SMYD3: variants seen among roughly 807,000 people sequenced by gnomAD.
The protein encoded by SMYD3 is histone-lysine N-methyltransferase SMYD3.
A neutral mutation model predicts 57.7 loss-of-function variants in SMYD3; 36 were observed. That is an observed-to-expected ratio of 0.62 (90% confidence interval 0.48 to 0.82). SMYD3 has a LOEUF of 0.82. Among genes scored for constraint, SMYD3 ranks in the 40% least tolerant of loss-of-function variants. The pLI is 0.00. For missense variants in SMYD3, 515 were observed against 538.8 expected (o/e 0.96, Z 0.44); for synonymous variants, 211 against 195.0 (o/e 1.08, Z -0.68).
intron 1 of SMYD3, among the ~76,000 whole-genome samples, chr1:246,392,598 C>A (rs1024550352): frequency 6.6e-6 from 1 of 151,910 alleles, no homozygotes; most frequent in African/African-American, 2.4e-5. Flanking sequence ...CAAGAACACA[C>A]CACCACATCC....
chr1:246,320,965 G>T (rs1228407710), intron 5 of SMYD3, among the ~76,000 whole-genome samples: 1 of 152,202 alleles, frequency 6.6e-6, no homozygotes, highest in Non-Finnish European at 1.5e-5. Context: ...ATCAAGGGAA[G>T]CCTACTTTTA....
intron 5 of SMYD3, among the ~76,000 whole-genome samples, chr1:246,133,587 A>G (rs984790612): frequency 6.6e-6 from 1 of 152,148 alleles, no homozygotes; most frequent in African/African-American, 2.4e-5. Context: ...TTACCTCACC[A>G]GCAACTATCT....
chr1:246,263,411 A>G (rs2064047827), intron 5 of SMYD3, among the ~76,000 whole-genome samples: 1 of 152,144 alleles, frequency 6.6e-6, no homozygotes, highest in African/African-American at 2.4e-5. Context: ...TGAAGTAGAA[A>G]AGTTAGGGAG....
At chr1:246,188,978 C>G (rs1243461227) in intron 5 of SMYD3, 1 of 151,278 alleles carries the variant, frequency 6.6e-6, no homozygotes, top group African/African-American at 2.4e-5. Context: ...AAAAAAAGGT[C>G]TGTATGTTTC....
At chr1:246,177,775 T>C (rs1395431632) in intron 5 of SMYD3, among the ~76,000 whole-genome samples, 1 of 152,150 alleles carries the variant, frequency 6.6e-6, no homozygotes, top group Non-Finnish European at 1.5e-5. Flanking sequence ...TGGATAATGA[T>C]TAGTACATAG....
At chr1:245,842,727 G>T (rs1411491786) in intron 10 of SMYD3, among the ~76,000 whole-genome samples, 1 of 151,816 alleles carries the variant, frequency 6.6e-6, no homozygotes, top group African/African-American at 2.4e-5. Flanking sequence ...CTTTTTTTTA[G>T]AGATGGGGTC....
At position 245,889,682 on chromosome 1, in the gene SMYD3, C is replaced by CA. The variant is rs563638421; in HGVS notation, c.814-25797dup. Among the ~76,000 whole-genome samples, 336 of 152,306 alleles carry CA rather than the reference C, an allele frequency of 2.2e-3. 2 individuals carry two copies. Among genetic ancestry groups the CA allele is most frequent in the African/African-American group, 7.6e-3 (316 of 41,564 alleles). ...ACATGGCAAATTCTGAAAGAGGCATCAATGCAATCCCTCTCAAAATACCAA... is the reference window on the plus strand; with the variant it reads ...ACATGGCAAATTCTGAAAGAGGCATCAAATGCAATCCCTCTCAAAATACCAA... On this transcript the variant is annotated intron_variant, in intron 8 of 11. Coordinates refer to ENST00000490107, the MANE Select transcript of SMYD3 (RefSeq NM_001167740.2).
intron 1 of SMYD3, among the ~76,000 whole-genome samples, chr1:246,367,122 G>T (rs909952899): frequency 2.0e-5 from 3 of 152,124 alleles, no homozygotes; most frequent in African/African-American, 4.8e-5. Context: ...GGAAGTTAGA[G>T]GAGGGCAGAT....
At chr1:246,064,327 T>C (rs1233615476) in intron 5 of SMYD3, among the ~76,000 whole-genome samples, 2 of 152,170 alleles carry the variant, frequency 1.3e-5, no homozygotes, top group Non-Finnish European at 1.5e-5. Context: ...TCTCAACACT[T>C]TCTCCCTTTT....
At chr1:246,421,049 T>C (rs1457188420) in intron 1 of SMYD3, among the ~76,000 whole-genome samples, 2 of 152,240 alleles carry the variant, frequency 1.3e-5, no homozygotes, top group African/African-American at 2.4e-5. Flanking sequence ...ATGTTTACAC[T>C]GTATATTTTT....
At chr1:246,301,749 C>G (rs2064895323) in intron 5 of SMYD3, among the ~76,000 whole-genome samples, 1 of 152,030 alleles carries the variant, frequency 6.6e-6, no homozygotes, top group Non-Finnish European at 1.5e-5. Flanking sequence ...CTTTCTATTC[C>G]CATCCTCTTG....
chr1:245,824,208 T>C (rs934699477), intron 10 of SMYD3, among the ~76,000 whole-genome samples: 1 of 152,186 alleles, frequency 6.6e-6, no homozygotes, highest in African/African-American at 2.4e-5. Context: ...CCCTCAAAAT[T>C]ATCTTTGCAC....
chr1:246,279,260 C>T (rs536466058), intron 5 of SMYD3, among the ~76,000 whole-genome samples: 3 of 152,322 alleles, frequency 2.0e-5, no homozygotes, highest in African/African-American at 7.2e-5. Flanking sequence ...GTGGCTCACA[C>T]CTGTAATCCC....
At chr1:246,413,381 AT>A (rs2102988639) in intron 1 of SMYD3, among the ~76,000 whole-genome samples, 1 of 152,318 alleles carries the variant, frequency 6.6e-6, no homozygotes, top group Admixed American at 6.5e-5. Flanking sequence ...CAGGCAAAAA[AT>A]GAGTAAATAG....
intron 5 of SMYD3, chr1:245,930,726 C>T (rs1356067274): frequency 6.6e-6 from 1 of 152,128 alleles, no homozygotes; most frequent in East Asian, 1.9e-4. Flanking sequence ...TGAAGAAAAA[C>T]AAAACAAAAG....
chr1:246,450,146 G>C (rs1399143485), intron 1 of SMYD3, among the ~76,000 whole-genome samples: 1 of 152,158 alleles, frequency 6.6e-6, no homozygotes, highest in East Asian at 1.9e-4. Context: ...AATTAGCCGG[G>C]CGTGGCGGCA....
At chr1:245,969,875 AT>A (rs2058251338) in intron 5 of SMYD3, among the ~76,000 whole-genome samples, 1 of 152,214 alleles carries the variant, frequency 6.6e-6, no homozygotes, top group Non-Finnish European at 1.5e-5. Context: ...AAAAAGTATT[AT>A]TTTTGTTGAC....
At chr1:245,943,208 A>T in intron 5 of SMYD3, among the ~76,000 whole-genome samples, 1 of 80,870 alleles carries the variant, frequency 1.2e-5, no homozygotes, top group Admixed American at 1.3e-4. Flanking sequence ...ACAGGGGCTG[A>T]GTTTTTTTTT....
chr1:245,864,931 C>T (rs1225472146), intron 8 of SMYD3, among the ~76,000 whole-genome samples: 1 of 152,178 alleles, frequency 6.6e-6, no homozygotes, highest in Non-Finnish European at 1.5e-5. Flanking sequence ...TCCCCCAACA[C>T]TGAAAAAATT....
Sources: gnomAD v4.1 joint callset for allele counts (sites outside exome capture counted in the v4.1 genomes callset) on GRCh38, gnomAD v4.1.1 for gene constraint, MANE v1.5 for transcripts, NCBI Gene and HGNC (gene_info 2026-07-23, HGNC 2026-07-21) for gene names.